The following SARM1 variants were observed in gnomAD, a reference collection of about 807,000 sequenced individuals.
The protein encoded by SARM1 is NAD(+) hydrolase SARM1.
In SARM1, 60 loss-of-function variants were observed where a neutral mutation model predicts 65.1. That is an observed-to-expected ratio of 0.92 (90% confidence interval 0.75 to 1.14). The LOEUF (loss-of-function observed/expected upper bound fraction) is 1.14, where lower values mean the gene tolerates loss of function less well. Ranked by LOEUF, SARM1 falls within the 50% of genes most tolerant of loss-of-function variation. The pLI is 0.00. For synonymous variants in SARM1, 417 were observed against 465.4 expected (o/e 0.90, Z 1.34); for missense variants, 913 against 1,015.7 (o/e 0.90, Z 1.37).
In SARM1 at chr17:28,397,271, T is replaced by G. The variant is rs2068138397; in HGVS notation, c.*985T>G. The G allele has an allele frequency of 6.6e-6, 1 of 152,396 alleles. No individual in the cohort carries two copies. Among genetic ancestry groups the G allele is most frequent in the Admixed American group, 6.5e-5 (1 of 15,286 alleles). 9.4% of individuals were successfully genotyped at this position (152,396 alleles called of 1,614,324 possible). A position where few individuals can be genotyped will look rare whatever the true frequency, so the allele number is the denominator to read the frequency against. ...GCAGCTTCTCCAACTTTAACATGCA[T>G]CCAAGTCACCTGGGAATGTTGTTAA... On this transcript the variant is annotated 3_prime_UTR_variant, in exon 9 of 9. Coordinates refer to ENST00000585482, the MANE Select transcript of SARM1 (RefSeq NM_015077.4).
intron 5 of SARM1, among the ~76,000 whole-genome samples, chr17:28,387,692 G>A (rs2068059250): frequency 6.6e-6 from 1 of 152,262 alleles, no homozygotes; most frequent in South Asian, 2.1e-4. Flanking sequence ...GGAGCAGAGT[G>A]CTGTCTGTTT....
At chr17:28,394,314 G>A (rs912743654) in intron 7 of SARM1, among the ~76,000 whole-genome samples, 3 of 152,248 alleles carry the variant, frequency 2.0e-5, no homozygotes, top group African/African-American at 7.2e-5. Context: ...GAGGGTGGTA[G>A]TGGGGTGGAG....
At chr17:28,396,054 G>A (rs782003026) in intron 8 of SARM1, 28 bp downstream of exon 8, 43 of 1,613,720 alleles carry the variant, frequency 2.7e-5, no homozygotes, top group Non-Finnish European at 3.6e-5. Context: ...GGGACCAGGG[G>A]GGTAGGGTAC....
chr17:28,395,946 C>G lies in SARM1; in HGVS notation c.1965C>G (p.Pro655=). Reference sequence around the variant, plus strand: ...TAAGCTGCGGCAAGAACATTGTGCCCATCATTGATGGCTTCGAGTGGCCTG... The same window carrying G: ...TAAGCTGCGGCAAGAACATTGTGCCGATCATTGATGGCTTCGAGTGGCCTG... ...TALSCGKNIV[P]IIDGFEWPEP... The change falls in exon 8 of 9, where the codon CCC becomes CCG. Residue 655 remains proline (P), a synonymous_variant. Coordinates refer to ENST00000585482, the MANE Select transcript of SARM1 (RefSeq NM_015077.4). 3 of 1,613,948 alleles carry G rather than the reference C, an allele frequency of 1.9e-6. No homozygotes were observed. Among genetic ancestry groups the G allele is most frequent in the Non-Finnish European group, 2.5e-6 (3 of 1,179,870 alleles).
intron 5 of SARM1, 112 bp from the exon 6 acceptor site, chr17:28,388,062 C>A: frequency 1.2e-6 from 1 of 840,322 alleles, no homozygotes; most frequent in Non-Finnish European, 1.9e-6. Context: ...CCTCCCCAGG[C>A]TGGGCTGAGA....
chr17:28,384,667 G>T lies in SARM1; in HGVS notation c.1302+98G>T. 1.5e-6 allele frequency: 2 copies of T among 1,363,398 alleles called. No homozygotes were observed. The highest frequency in any genetic ancestry group is 2.0e-6 in the Non-Finnish European group (2 of 1,001,276). 84.5% of individuals were successfully genotyped at this position (1,363,398 alleles called of 1,614,324 possible). Reference sequence around the variant, plus strand: ...CGCCTCGCAATCCCGCGGCGCCAGGGTCGCTTTTGGGGGCGGGGAGCCTGT... The same window carrying T: ...CGCCTCGCAATCCCGCGGCGCCAGGTTCGCTTTTGGGGGCGGGGAGCCTGT... On this transcript the variant is annotated intron_variant, in intron 3 of 8. Coordinates refer to ENST00000585482, the MANE Select transcript of SARM1 (RefSeq NM_015077.4). The surrounding 1 kb of genome is among the most constrained non-coding windows in gnomAD (Gnocchi z 4.4).
intron 7 of SARM1, among the ~76,000 whole-genome samples, chr17:28,392,416 G>A (rs888890387): frequency 7.9e-5 from 12 of 152,012 alleles, no homozygotes; most frequent in African/African-American, 2.4e-4. Context: ...ACACACGGCC[G>A]CCATTATCCC....
chr17:28,376,978 T>TG (rs1185110729), intron 1 of SARM1, among the ~76,000 whole-genome samples: 4 of 151,220 alleles, frequency 2.6e-5, no homozygotes, highest in African/African-American at 9.7e-5. Flanking sequence ...TTAATAGAGA[T>TG]GGAGTTTCAC....
At position 28,381,701 on chromosome 17, in the gene SARM1, G is replaced by T. The variant is rs986581733; in HGVS notation, c.969G>T (p.Gly323=). ...VDASDTSQGR[G]PDDLQRLVPL... is the part of the protein sequence containing the mutation. ...CCAGCGACACAAGCCAGGGCCGCGG[G>T]CCCGACGACCTGCAGCGCCTCGTGC... Residue 323 remains glycine, a synonymous_variant, in exon 2 of 9, where the codon GGG becomes GGT. Coordinates refer to ENST00000585482, the MANE Select transcript of SARM1 (RefSeq NM_015077.4). 3.2e-6 allele frequency: 5 copies of T among 1,559,942 alleles called. No homozygotes were observed. Among genetic ancestry groups the T allele is most frequent in the Admixed American group, 1.9e-5 (1 of 52,652 alleles).
intron 1 of SARM1, among the ~76,000 whole-genome samples, chr17:28,374,757 A>G (rs958868885): frequency 1.3e-5 from 2 of 151,936 alleles, no homozygotes; most frequent in Non-Finnish European, 2.9e-5. Context: ...TGGGTGGATC[A>G]CTTGAGGCCA....
rs782144043 is a variant in SARM1, at chr17:28,381,326, A to G, written c.594A>G (p.Thr198=). The G allele has an allele frequency of 2.8e-5, 44 of 1,599,920 alleles. 1 individual carries two copies. Among genetic ancestry groups the G allele is most frequent in the Middle Eastern group, 3.3e-4 (2 of 6,070 alleles). ...ACATGTTCAAGCATTCGGAGGAGACATGCCAGAGGCTGGTGGCGGCCGGCG... is the reference window on the plus strand; with the variant it reads ...ACATGTTCAAGCATTCGGAGGAGACGTGCCAGAGGCTGGTGGCGGCCGGCG... ...LEHMFKHSEE[T]CQRLVAAGGL... is the part of the protein sequence containing the mutation. The change falls in exon 2 of 9, where the codon ACA becomes ACG. Residue 198 remains threonine (T), a synonymous_variant. Coordinates refer to ENST00000585482, the MANE Select transcript of SARM1 (RefSeq NM_015077.4).
At chr17:28,375,703 G>T (rs1335999857) in intron 1 of SARM1, among the ~76,000 whole-genome samples, 1 of 151,974 alleles carries the variant, frequency 6.6e-6, no homozygotes, top group East Asian at 1.9e-4. Flanking sequence ...AGGCATGGTG[G>T]CTCATGCCTG....
Position 28,381,624 on chromosome 17 carries a change from C to T in SARM1, c.892C>T (p.Pro298Ser), listed in dbSNP as rs1555585302. ...CTCGGGCACGCTGGCGCTCGTGGAGCCGCTTGTGGCCTCGCTGGACCCTGG... is the reference window on the plus strand; with the variant it reads ...CTCGGGCACGCTGGCGCTCGTGGAGTCGCTTGTGGCCTCGCTGGACCCTGG... ...ERSGTLALVE[P>S]LVASLDPGRF... Residue 298 changes from proline to serine, a missense_variant, in exon 2 of 9, where the codon CCG becomes TCG. Pro to Ser is a moderately conservative substitution (Grantham distance 74, BLOSUM62 -1). Around this residue, in one of 3 missense-constraint regions of SARM1, gnomAD observed 862 missense variants for 952.1 expected, o/e 0.91. Transcript: ENST00000585482. 1 of 1,570,620 alleles carries T rather than the reference C, an allele frequency of 6.4e-7. No individual in the cohort carries two copies. The highest frequency in any genetic ancestry group is 1.9e-5 in the Admixed American group (1 of 53,936).
chr17:28,374,989 A>C (rs938355330), intron 1 of SARM1, among the ~76,000 whole-genome samples: 16 of 142,390 alleles, frequency 1.1e-4, no homozygotes, highest in South Asian at 2.3e-4. Flanking sequence ...AAAAAAAAAA[A>C]AAAAAACAAT....
chr17:28,395,515 C>A (rs1282466776), intron 7 of SARM1: 1 of 193,156 alleles, frequency 5.2e-6, no homozygotes, highest in South Asian at 1.1e-4. Context: ...CAGCACCTCT[C>A]TGGAGGCTGG....
In SARM1 at chr17:28,401,240, T is replaced by A; in HGVS notation, c.*4954T>A. Reference sequence around the variant, plus strand: ...CTGCTAAATAAGGATAATACCTATTTCCTAGATTGTGAGCAACATTAAGTT... The same window carrying A: ...CTGCTAAATAAGGATAATACCTATTACCTAGATTGTGAGCAACATTAAGTT... On this transcript the variant is annotated 3_prime_UTR_variant, in exon 9 of 9. Transcript: ENST00000585482. 5.7e-6 allele frequency: 1 copy of A among 176,276 alleles called. No homozygotes were observed. Among genetic ancestry groups the A allele is most frequent in the South Asian group, 1.3e-4 (1 of 7,692 alleles). The allele number at this position is 176,276 out of a possible 1,614,324, so 10.9% of individuals were successfully genotyped here. A position where few individuals can be genotyped will look rare whatever the true frequency, so the allele number is the denominator to read the frequency against.
chr17:28,383,142 G>C (rs1411200821), intron 2 of SARM1, among the ~76,000 whole-genome samples: 13 of 152,220 alleles, frequency 8.5e-5, no homozygotes, highest in Non-Finnish European at 1.9e-4. Flanking sequence ...GGGAGGCCGA[G>C]GCAGGTGGAT....
chr17:28,395,691 G>C (rs1253020114), intron 7 of SARM1: 1 of 552,332 alleles, frequency 1.8e-6, no homozygotes, highest in Admixed American at 3.1e-5. Context: ...GATTCCAAGG[G>C]TTTTAGCAGC....
chr17:28,373,619 T>G (rs2067970603), intron 1 of SARM1: 1 of 152,150 alleles, frequency 6.6e-6, no homozygotes, highest in South Asian at 2.1e-4. Flanking sequence ...TCCGTTGCCA[T>G]GATGGGGATA....
Sources: gnomAD v4.1 joint callset for allele counts (sites outside exome capture counted in the v4.1 genomes callset) on GRCh38, gnomAD v4.1.1 for gene constraint, gnomAD v4.1.1 regional missense constraint, Gnocchi (gnomAD v3.1) non-coding constraint, MANE v1.5 for transcripts, NCBI Gene and HGNC (gene_info 2026-07-23, HGNC 2026-07-21) for gene names.